The following AMBRA1 variants were observed in gnomAD, a reference collection of about 807,000 sequenced individuals.
AMBRA1 encodes the protein autophagy and beclin 1 regulator 1, also known as activating molecule in BECN1-regulated autophagy protein 1.
Under a neutral mutation model 125.4 loss-of-function variants are expected in AMBRA1, and 47 were observed. That is an observed-to-expected ratio of 0.37 (90% confidence interval 0.30 to 0.48). The LOEUF is 0.48. AMBRA1 is among the 20% of genes least tolerant of loss of function. AMBRA1 has a pLI of 0.99. For missense variants in AMBRA1, 1,331 were observed against 1,693.4 expected, an observed-to-expected ratio of 0.79 and a Z score of 3.76; for synonymous variants, 626 against 655.5, an observed-to-expected ratio of 0.95 and a Z score of 0.69.
At chr11:46,516,126 G>A (rs531389561) in intron 7 of AMBRA1, among the ~76,000 whole-genome samples, 3 of 152,216 alleles carry the variant, frequency 2.0e-5, no homozygotes, top group Non-Finnish European at 4.4e-5. Context: ...CGCATCCCCT[G>A]TGCCTACTTA....
chr11:46,516,080 T>C (rs1336006241), intron 7 of AMBRA1, among the ~76,000 whole-genome samples: 3 of 152,208 alleles, frequency 2.0e-5, no homozygotes, highest in Admixed American at 1.3e-4. Flanking sequence ...TGAAGCTTTG[T>C]TGCTGGAGAG....
chr11:46,588,576 GACC>G, intron 1 of AMBRA1, among the ~76,000 whole-genome samples: 1 of 151,398 alleles, frequency 6.6e-6, no homozygotes, highest in East Asian at 1.9e-4. Flanking sequence ...AGGAGTTCGA[GACC>G]AGCCTGACCA....
Position 46,399,262 on chromosome 11 carries a change from C to T in AMBRA1, c.3404-1319G>A, listed in dbSNP as rs527520262. On this transcript the variant is annotated intron_variant, in intron 17 of 17. Coordinates refer to ENST00000683756, the MANE Select transcript of AMBRA1 (RefSeq NM_001387011.1). ...CTAATTTTTGTATTTTTAGTAGAGA[C>T]GGGGTTTCACCATGTTAGCCAGGCC... 4.0e-5 allele frequency among the ~76,000 whole-genome samples: 6 copies of T among 150,882 alleles called. No homozygotes were observed. The South Asian group carries it at 1.1e-3, about 26-fold the overall frequency.
chr11:46,573,011 G>A (rs190169043), intron 1 of AMBRA1, among the ~76,000 whole-genome samples: 187 of 150,434 alleles, frequency 1.2e-3, no homozygotes, highest in African/African-American at 4.3e-3. Context: ...TGAGGCAGGC[G>A]AATCGCTTGA....
At chr11:46,492,647 C>T (rs572783003) in intron 11 of AMBRA1, among the ~76,000 whole-genome samples, 35 of 152,312 alleles carry the variant, frequency 2.3e-4, no homozygotes, top group African/African-American at 7.7e-4. Context: ...TTCTGCTTTA[C>T]TTCCTTCTCT....
At chr11:46,512,200 G>A (rs1345555840) in intron 8 of AMBRA1, among the ~76,000 whole-genome samples, 1 of 152,178 alleles carries the variant, frequency 6.6e-6, no homozygotes, top group Non-Finnish European at 1.5e-5. Flanking sequence ...TTAATAAAAT[G>A]CCAACTTGTT....
chr11:46,412,888 A>T (rs1946362896), intron 15 of AMBRA1, among the ~76,000 whole-genome samples: 1 of 152,200 alleles, frequency 6.6e-6, no homozygotes, highest in Non-Finnish European at 1.5e-5. Context: ...TCTGTGTTAG[A>T]TACTATGTGA....
intron 12 of AMBRA1, among the ~76,000 whole-genome samples, chr11:46,442,355 C>T (rs990897498): frequency 6.6e-6 from 1 of 152,010 alleles, no homozygotes; most frequent in Admixed American, 6.6e-5. Flanking sequence ...GTTGGCCAGG[C>T]TGGTCTTGAA....
chr11:46,494,235 G>A, intron 9 of AMBRA1, 31 bp from the exon 10 acceptor site: 2 of 1,539,676 alleles, frequency 1.3e-6, no homozygotes, highest in Non-Finnish European at 1.8e-6. Flanking sequence ...ACACATAAGA[G>A]AGTCACTAAG....
intron 8 of AMBRA1, among the ~76,000 whole-genome samples, chr11:46,510,531 C>T (rs1201742430): frequency 1.3e-5 from 2 of 152,146 alleles, no homozygotes; most frequent in African/African-American, 4.8e-5. Flanking sequence ...GATAAGTACA[C>T]TTACTTTATA....
intron 8 of AMBRA1, among the ~76,000 whole-genome samples, chr11:46,509,068 G>T (rs1332221235): frequency 6.6e-6 from 1 of 152,190 alleles, no homozygotes; most frequent in East Asian, 1.9e-4. Context: ...AAATAAAAGA[G>T]ATTTTTTTCT....
At chr11:46,482,172 T>C (rs1950096079) in intron 11 of AMBRA1, among the ~76,000 whole-genome samples, 1 of 152,220 alleles carries the variant, frequency 6.6e-6, no homozygotes. Flanking sequence ...TTCTCTATAA[T>C]ACTACTTCAT....
chr11:46,578,634 A>G (rs1158032051), intron 1 of AMBRA1, among the ~76,000 whole-genome samples: 1 of 152,070 alleles, frequency 6.6e-6, no homozygotes, highest in African/African-American at 2.4e-5. Context: ...CTGTAATCCC[A>G]GCACTTTGGG....
At chr11:46,512,322 T>C (rs983473723) in intron 8 of AMBRA1, among the ~76,000 whole-genome samples, 3 of 152,248 alleles carry the variant, frequency 2.0e-5, no homozygotes, top group African/African-American at 7.2e-5. Context: ...CCCTCTCAAA[T>C]GACAGCAAAT....
At chr11:46,461,013 C>A (rs935060514) in intron 11 of AMBRA1, among the ~76,000 whole-genome samples, 1 of 152,168 alleles carries the variant, frequency 6.6e-6, no homozygotes, top group African/African-American at 2.4e-5. Flanking sequence ...GAGGCTGAGG[C>A]GGGAGGACCC....
chr11:46,539,199 G>A (rs969082428), intron 7 of AMBRA1, among the ~76,000 whole-genome samples: 8 of 151,964 alleles, frequency 5.3e-5, no homozygotes, highest in African/African-American at 1.2e-4. Context: ...TTTTCTCTTC[G>A]TTTTTATATA....
chr11:46,556,474 A>G (rs192884725), intron 1 of AMBRA1, among the ~76,000 whole-genome samples: 5 of 152,336 alleles, frequency 3.3e-5, no homozygotes, highest in African/African-American at 1.2e-4. Flanking sequence ...ATTGTGTGCA[A>G]AAGATATCCA....
At chr11:46,558,487 T>G (rs572003640) in intron 1 of AMBRA1, among the ~76,000 whole-genome samples, 1 of 142,866 alleles carries the variant, frequency 7.0e-6, no homozygotes. Flanking sequence ...AGGTGGAGGT[T>G]GCAATGAGCT....
intron 11 of AMBRA1, among the ~76,000 whole-genome samples, chr11:46,465,694 A>G (rs1176287671): frequency 2.0e-5 from 3 of 152,194 alleles, no homozygotes; most frequent in African/African-American, 7.2e-5. Context: ...TTTGCAGTGT[A>G]AGGGATCATC....
Sources: gnomAD v4.1 joint callset for allele counts (sites outside exome capture counted in the v4.1 genomes callset) on GRCh38, gnomAD v4.1.1 for gene constraint, MANE v1.5 for transcripts, NCBI Gene and HGNC (gene_info 2026-07-23, HGNC 2026-07-21) for gene names.